Variants in RGMB observed in about 807,000 individuals in gnomAD.
RGMB encodes repulsive guidance molecule BMP co-receptor b.
In RGMB, 16 loss-of-function variants were observed where a neutral mutation model predicts 26.9. The ratio of observed to expected loss-of-function variants is 0.60; its 90% CI spans 0.40 to 0.90. RGMB has a LOEUF of 0.90. Among genes scored for constraint, RGMB ranks in the 40% least tolerant of loss-of-function variants. RGMB has a pLI of 0.00. For missense variants in RGMB, 512 were observed against 573.3 expected, an observed-to-expected ratio of 0.89 and a Z score of 1.09; for synonymous variants, 225 against 229.3, an observed-to-expected ratio of 0.98 and a Z score of 0.17.
intron 1 of RGMB, among the ~76,000 whole-genome samples, chr5:98,778,569 C>G (rs186063309): frequency 6.6e-6 from 1 of 152,258 alleles, no homozygotes; most frequent in East Asian, 1.9e-4. Flanking sequence ...CAGTTGATGA[C>G]AAAGAACAGT....
At chr5:98,779,284 A>G (rs2112348845) in intron 1 of RGMB, among the ~76,000 whole-genome samples, 1 of 152,282 alleles carries the variant, frequency 6.6e-6, no homozygotes, top group Non-Finnish European at 1.5e-5. Context: ...AAAATATTTT[A>G]TTTACTATTC....
chr5:98,792,230 G>A (rs931527641), intron 2 of RGMB, among the ~76,000 whole-genome samples: 2 of 152,134 alleles, frequency 1.3e-5, no homozygotes, highest in African/African-American at 4.8e-5. Context: ...TCTGTATTTC[G>A]AGTAAGTTTG....
At position 98,775,388 on chromosome 5, in the gene RGMB, T is replaced by C. The variant is rs6890490; in HGVS notation, c.136+1182T>C. ...GGGAAAAGACGGCTTAATAAAAAAG[T>C]GTAATAGAAAGTTTTAGGATGATTA... On this transcript the variant is annotated intron_variant, in intron 1 of 2. Coordinates refer to ENST00000513185, the MANE Select transcript of RGMB (RefSeq NM_001366508.1). Among the ~76,000 whole-genome samples, 474 of 152,244 alleles carry C rather than the reference T, an allele frequency of 3.1e-3. 2 individuals carry two copies. Among genetic ancestry groups the C allele is most frequent in the African/African-American group, 0.011 (447 of 41,542 alleles).
At position 98,774,111 on chromosome 5, in the gene RGMB, C is replaced by T; in HGVS notation, c.41C>T (p.Ala14Val). The T allele has an allele frequency of 7.3e-7, 1 of 1,360,814 alleles. No individual in the cohort carries two copies. The highest frequency in any genetic ancestry group is 1.3e-5 in the South Asian group (1 of 78,318). The allele number at this position is 1,360,814 out of a possible 1,614,324, so 84.3% of individuals were successfully genotyped here. ...RAAPSSAAAA[A>V]AEVEQRRSPG... is the part of the protein sequence containing the mutation. ...GCACCTTCCAGCGCCGCCGCTGCCG[C>T]CGCCGAGGTTGAGCAGCGCCGCAGC... The change falls in exon 1 of 3, where the codon GCC becomes GTC. Residue 14 changes from alanine to valine, a missense_variant. Transcript: ENST00000513185.
In RGMB at chr5:98,796,167, T is replaced by C. The variant is rs1273579068; in HGVS notation, c.*2414T>C. The C allele has an allele frequency of 6.6e-6, 1 of 152,224 alleles. No homozygotes were observed. The highest frequency in any genetic ancestry group is 1.5e-5 in the Non-Finnish European group (1 of 68,028). The allele number at this position is 152,224 out of a possible 1,614,324, so 9.4% of individuals were successfully genotyped here. On this transcript the variant is annotated 3_prime_UTR_variant, in exon 3 of 3. Transcript: ENST00000513185. ...CTTGCACATGTTGGTTCTTGAAACCTTAGCTAGAAGAATTTCAGGTCATAC... is the reference window on the plus strand; with the variant it reads ...CTTGCACATGTTGGTTCTTGAAACCCTAGCTAGAAGAATTTCAGGTCATAC...
intron 1 of RGMB, among the ~76,000 whole-genome samples, chr5:98,778,894 G>T (rs917922714): frequency 2.0e-5 from 3 of 151,768 alleles, no homozygotes; most frequent in African/African-American, 7.3e-5. Context: ...TATATAGCTT[G>T]GTCAAGTGAA....
upstream of RGMB, chr5:98,770,854 G>A: frequency 4.8e-6 from 2 of 419,464 alleles, no homozygotes; most frequent in Non-Finnish European, 8.3e-6. Flanking sequence ...CTGAGCTGTT[G>A]GACTCCGGGC....
rs114075641 is a variant in RGMB, at chr5:98,792,147, G to A, written c.646-938G>A. On this transcript the variant is annotated intron_variant, in intron 2 of 2. Coordinates refer to ENST00000513185, the MANE Select transcript of RGMB (RefSeq NM_001366508.1). ...AGTGATGTGAAACATTTGATTAAGG[G>A]ACTAATAGAAATCTTTCCTGGGGTA... 2.8e-3 allele frequency among the ~76,000 whole-genome samples: 427 copies of A among 152,262 alleles called. 1 individual carries two copies. Among genetic ancestry groups the A allele is most frequent in the Non-Finnish European group, 5.0e-3 (341 of 68,004 alleles).
intron 2 of RGMB, among the ~76,000 whole-genome samples, chr5:98,784,407 T>C (rs1746706513): frequency 6.6e-6 from 1 of 152,250 alleles, no homozygotes; most frequent in Admixed American, 6.5e-5. Context: ...TTTGGTTTGC[T>C]TTTGGTTAAT....
rs752821864 is a variant in RGMB at position 98,774,156 on chromosome 5, C to T, written c.86C>T (p.Pro29Leu). 17 of 1,498,100 alleles carry T rather than the reference C, an allele frequency of 1.1e-5. No homozygotes were observed. In the South Asian group the frequency reaches 1.7e-4, roughly 15 times the overall value. 92.8% of individuals were successfully genotyped at this position (1,498,100 alleles called of 1,614,324 possible). The change falls in exon 1 of 3, where the codon CCG becomes CTG. Residue 29 changes from proline (P) to leucine (L), a missense_variant. By Grantham distance (98) the Pro-to-Leu change is moderately conservative. Coordinates refer to ENST00000513185, the MANE Select transcript of RGMB (RefSeq NM_001366508.1). Reference sequence around the variant, plus strand: ...CGCAGCCCCGGGCTCTGCCCCCCGCCGCTGGAGCTGCTGCTGCTGCTGCTG... The same window carrying T: ...CGCAGCCCCGGGCTCTGCCCCCCGCTGCTGGAGCTGCTGCTGCTGCTGCTG... ...QRRSPGLCPP[P>L]LELLLLLLFS...
At chr5:98,774,732 A>C (rs940931571) in intron 1 of RGMB, among the ~76,000 whole-genome samples, 1 of 152,202 alleles carries the variant, frequency 6.6e-6, no homozygotes, top group Non-Finnish European at 1.5e-5. Flanking sequence ...AGTAACGTCA[A>C]CTTTTTTGAG....
Position 98,790,277 on chromosome 5 carries a change from C to T in RGMB, c.646-2808C>T, listed in dbSNP as rs763718508. Among the ~76,000 whole-genome samples, 9 of 152,306 alleles carry T rather than the reference C, an allele frequency of 5.9e-5. 1 individual carries two copies. The South Asian group carries it at 1.4e-3, about 25-fold the overall frequency. The stretch of plus-strand genomic sequence containing the variant: ...TCATGCTTTACAATCAATTCACCCC[C>T]CTCAGCATTTTGATTCAAGGGATAA... On this transcript the variant is annotated intron_variant, in intron 2 of 2. Coordinates refer to ENST00000513185, the MANE Select transcript of RGMB (RefSeq NM_001366508.1).
chr5:98,781,300 T>C (rs1476586633), intron 2 of RGMB: 1 of 152,234 alleles, frequency 6.6e-6, no homozygotes, highest in Non-Finnish European at 1.5e-5. Context: ...TACACTGGTC[T>C]AGACATCTTA....
chr5:98,793,593 C>T lies in RGMB; in HGVS notation c.1154C>T (p.Thr385Ile). The part of the protein sequence containing the change: ...DLLTTGDANF[T>I]AAAHSALEDV... ...CTCACCACTGGTGATGCCAACTTTACTGCCGCAGCCCACAGTGCCTTGGAG... is the reference window on the plus strand; with the variant it reads ...CTCACCACTGGTGATGCCAACTTTATTGCCGCAGCCCACAGTGCCTTGGAG... The change falls in exon 3 of 3, where the codon ACT becomes ATT. Residue 385 changes from threonine to isoleucine, a missense_variant. Physicochemically the swap from Thr to Ile is moderately conservative, Grantham distance 89. Transcript: ENST00000513185. 6 of 1,614,044 alleles carry T rather than the reference C, an allele frequency of 3.7e-6. No homozygotes were observed. The highest frequency in any genetic ancestry group is 5.1e-6 in the Non-Finnish European group (6 of 1,179,908).
At chr5:98,783,298 G>A (rs1003881552) in intron 2 of RGMB, among the ~76,000 whole-genome samples, 3 of 152,166 alleles carry the variant, frequency 2.0e-5, no homozygotes, top group Admixed American at 6.5e-5. Flanking sequence ...CACATACCTC[G>A]GCTGACATCC....
intron 2 of RGMB, among the ~76,000 whole-genome samples, chr5:98,788,364 T>G (rs190790034): frequency 6.6e-6 from 1 of 152,238 alleles, no homozygotes; most frequent in Non-Finnish European, 1.5e-5. Context: ...TGAGTGGTGA[T>G]TGTAAAATTA....
At chr5:98,791,683 A>C (rs1746935128) in intron 2 of RGMB, among the ~76,000 whole-genome samples, 1 of 152,148 alleles carries the variant, frequency 6.6e-6, no homozygotes, top group African/African-American at 2.4e-5. Flanking sequence ...CTGTTGCCTC[A>C]GTTACTAGCA....
intron 1 of RGMB, among the ~76,000 whole-genome samples, chr5:98,776,685 C>G (rs1456772352): frequency 6.6e-6 from 1 of 152,218 alleles, no homozygotes; most frequent in Non-Finnish European, 1.5e-5. Context: ...CTCCCATCAT[C>G]TCTGTAGCAG....
chr5:98,784,915 C>A (rs1746725929), intron 2 of RGMB, among the ~76,000 whole-genome samples: 1 of 152,128 alleles, frequency 6.6e-6, no homozygotes, highest in Non-Finnish European at 1.5e-5. Flanking sequence ...AGACCATTTT[C>A]CCTCCACAAG....
Sources: gnomAD v4.1 joint callset for allele counts (sites outside exome capture counted in the v4.1 genomes callset) on GRCh38, gnomAD v4.1.1 for gene constraint, MANE v1.5 for transcripts, NCBI Gene and HGNC (gene_info 2026-07-23, HGNC 2026-07-21) for gene names.